Variants in ANXA2 observed in about 807,000 individuals in gnomAD.
ANXA2 encodes annexin A2.
ANXA2 carries 28 observed loss-of-function variants against 47.3 expected under a neutral mutation model. That is an observed-to-expected ratio of 0.59 (90% CI 0.44 to 0.81). ANXA2 has a LOEUF of 0.81. ANXA2 is among the 40% of genes least tolerant of loss of function. ANXA2 has a pLI of 0.00. For missense variants in ANXA2, 384 were observed against 414.3 expected (o/e 0.93, Z 0.64); for synonymous variants, 172 against 155.5 (o/e 1.11, Z -0.79).
At chr15:60,378,794 C>T (rs557107668) in intron 3 of ANXA2, among the ~76,000 whole-genome samples, 4 of 152,044 alleles carry the variant, frequency 2.6e-5, no homozygotes, top group Admixed American at 1.3e-4. Context: ...GGCAAAACCC[C>T]GTCTCTACTA....
At chr15:60,365,854 C>CCCCCTCCCCCTA (rs2062588829) in intron 3 of ANXA2, among the ~76,000 whole-genome samples, 1 of 114,524 alleles carries the variant, frequency 8.7e-6, no homozygotes, top group African/African-American at 3.4e-5. Context: ...CTCTCCCCCT[C>CCCCCTCCCCCTA]CCCCTCCCCC....
chr15:60,363,078 G>A (rs2062542822), intron 4 of ANXA2: 1 of 137,606 alleles, frequency 7.3e-6, no homozygotes, highest in South Asian at 2.5e-4. Context: ...TTCTATGTGT[G>A]TGTGTACACA....
chr15:60,354,945 G>C (rs1349009912), intron 7 of ANXA2, among the ~76,000 whole-genome samples: 1 of 152,206 alleles, frequency 6.6e-6, no homozygotes, highest in African/African-American at 2.4e-5. Flanking sequence ...AGAGGGCAGA[G>C]TCAGCAAAGA....
At chr15:60,364,344 G>T (rs2062561030) in intron 4 of ANXA2, 85 bp downstream of exon 4, 9 of 1,075,502 alleles carry the variant, frequency 8.4e-6, no homozygotes, top group Non-Finnish European at 2.8e-6. Context: ...GCGCATGAGA[G>T]CCACAATTCA....
chr15:60,355,913 A>T lies in ANXA2; in HGVS notation c.528+6T>A. 6.2e-7 allele frequency: 1 copy of T among 1,613,496 alleles called. No individual in the cohort carries two copies. Among genetic ancestry groups the T allele is most frequent in the Non-Finnish European group, 8.5e-7 (1 of 1,179,358 alleles). ...CAAGGGCAAAGAAAGAAACTGGGAA[A>T]CCAACCTTTGCCAGGGCAACCATCA... On this transcript the variant is annotated splice_donor_region_variant and intron_variant, in intron 7 of 12. Coordinates refer to ENST00000451270, the MANE Select transcript of ANXA2 (RefSeq NM_004039.3).
intron 9 of ANXA2, 74 bp from the exon 10 acceptor site, chr15:60,351,893 T>G: frequency 9.8e-7 from 1 of 1,017,820 alleles, no homozygotes; most frequent in East Asian, 2.4e-5. Flanking sequence ...CACCTAGTTT[T>G]ATGCACCATA....
intron 3 of ANXA2, among the ~76,000 whole-genome samples, chr15:60,368,315 AAAAAAT>A (rs780838456): frequency 0.26 from 30,467 of 116,936 alleles, 3,233 homozygotes; most frequent in Middle Eastern, 0.33. Flanking sequence ...CAATAAAAAA[AAAAAAT>A]AAAATAAAAT....
chr15:60,366,411 G>GCGCGGC (rs1238168452), intron 3 of ANXA2, among the ~76,000 whole-genome samples: 1 of 150,980 alleles, frequency 6.6e-6, no homozygotes, highest in African/African-American at 2.4e-5. Context: ...GAGCATCTCT[G>GCGCGGC]CGCGGCCGCC....
chr15:60,364,740 C>A (rs1350112034), intron 3 of ANXA2, among the ~76,000 whole-genome samples: 2 of 152,124 alleles, frequency 1.3e-5, no homozygotes, highest in Non-Finnish European at 2.9e-5. Flanking sequence ...AAACCTCAAG[C>A]TTAAATGGAC....
At chr15:60,363,300 G>C (rs1245792136) in intron 4 of ANXA2, among the ~76,000 whole-genome samples, 2 of 152,206 alleles carry the variant, frequency 1.3e-5, no homozygotes, top group Admixed American at 1.3e-4. Flanking sequence ...ATGCACTTGA[G>C]ATGAAAGAAG....
intron 3 of ANXA2, among the ~76,000 whole-genome samples, chr15:60,381,043 A>T (rs1361990839): frequency 6.6e-6 from 1 of 152,048 alleles, no homozygotes; most frequent in Non-Finnish European, 1.5e-5. Context: ...CAGATTCTAC[A>T]TGGTTTTAGG....
chr15:60,368,332 A>G (rs1210955781), intron 3 of ANXA2, among the ~76,000 whole-genome samples: 1 of 150,974 alleles, frequency 6.6e-6, no homozygotes, highest in East Asian at 1.9e-4. Flanking sequence ...AAAATAAAAT[A>G]AAATAAAATA....
At chr15:60,361,931 C>A (rs1422573197) in intron 4 of ANXA2, among the ~76,000 whole-genome samples, 1 of 150,238 alleles carries the variant, frequency 6.7e-6, no homozygotes, top group Non-Finnish European at 1.5e-5. Context: ...TCTCTCTCTT[C>A]TTTCTTTCCT....
chr15:60,379,955 C>T (rs2062832841), intron 3 of ANXA2, among the ~76,000 whole-genome samples: 1 of 152,170 alleles, frequency 6.6e-6, no homozygotes, highest in Non-Finnish European at 1.5e-5. Context: ...TGCTTTCTCA[C>T]GCAGGGACAA....
intron 2 of ANXA2, chr15:60,382,655 T>C (rs761503385): frequency 2.5e-6 from 1 of 393,696 alleles, no homozygotes; most frequent in Non-Finnish European, 4.7e-6. Context: ...TAGTTTAGAA[T>C]ATGCTGTCTC....
chr15:60,371,376 G>A (rs1172227520), intron 3 of ANXA2, among the ~76,000 whole-genome samples: 1 of 152,206 alleles, frequency 6.6e-6, no homozygotes, highest in Non-Finnish European at 1.5e-5. Flanking sequence ...TTCAAGCACA[G>A]AGAATATTTG....
chr15:60,351,679 T>C, intron 10 of ANXA2, 45 bp downstream of exon 10: 2 of 1,270,624 alleles, frequency 1.6e-6, no homozygotes, highest in Non-Finnish European at 2.3e-6. Context: ...TCACTTCTGC[T>C]CTGGTAGCTG....
At chr15:60,377,277 A>G (rs904046074) in intron 3 of ANXA2, among the ~76,000 whole-genome samples, 1 of 152,206 alleles carries the variant, frequency 6.6e-6, no homozygotes, top group Non-Finnish European at 1.5e-5. Flanking sequence ...GGAGGAAGGA[A>G]CAAAAGGGTT....
At chr15:60,397,672 C>G (rs2063099860) in intron 1 of ANXA2, among the ~76,000 whole-genome samples, 1 of 151,236 alleles carries the variant, frequency 6.6e-6, no homozygotes. Flanking sequence ...CCCGCTAGGG[C>G]TTCTTAGAGA....
Sources: allele counts gnomAD v4.1 joint callset (sites outside exome capture counted in the v4.1 genomes callset), GRCh38; gene constraint gnomAD v4.1.1; transcripts MANE v1.5; gene names NCBI Gene and HGNC (gene_info 2026-07-23, HGNC 2026-07-21).